The following ADAM29 variants were observed in gnomAD, a reference collection of about 807,000 sequenced individuals.
ADAM29 encodes ADAM metallopeptidase domain 29, also known as disintegrin and metalloproteinase domain-containing protein 29.
For missense variants in ADAM29, 969 were observed against 1,001.8 expected (o/e 0.97, Z 0.44); for synonymous variants, 367 against 342.3 (o/e 1.07, Z -0.80).
intron 4 of ADAM29, among the ~76,000 whole-genome samples, chr4:174,967,615 G>A (rs1372372304): frequency 2.0e-5 from 3 of 152,160 alleles, no homozygotes; most frequent in Admixed American, 2.0e-4. Flanking sequence ...AGCAAGAAAT[G>A]GTATGAAAGG....
chr4:174,960,201 G>A (rs541522565), intron 4 of ADAM29, among the ~76,000 whole-genome samples: 9 of 151,674 alleles, frequency 5.9e-5, no homozygotes, highest in South Asian at 2.1e-4. Flanking sequence ...GTGTTTTCTC[G>A]AATAATATAC....
At position 174,976,802 on chromosome 4, in the gene ADAM29, TGTCA is replaced by T. The variant is rs764324216; in HGVS notation, c.1278_1281del (p.Ser427IlefsTer4). 1 of 1,614,232 alleles carries T rather than the reference TGTCA, an allele frequency of 6.2e-7. No individual in the cohort carries two copies. The highest frequency in any genetic ancestry group is 8.5e-7 in the Non-Finnish European group (1 of 1,180,036). On this transcript the variant is annotated frameshift_variant, in exon 5 of 5. Coordinates refer to ENST00000359240, the MANE Select transcript of ADAM29 (RefSeq NM_014269.4). LOFTEE classifies it low-confidence loss of function (END_TRUNC). ...CATTGTGCAAAAGATCCCTGCTGTC[TGTCA>T]AATTGCACTCTGACTGATGGTTCTA...
chr4:174,974,767 G>A (rs139847231), intron 4 of ADAM29, among the ~76,000 whole-genome samples: 5 of 152,284 alleles, frequency 3.3e-5, no homozygotes, highest in African/African-American at 9.6e-5. Context: ...GGATCTTCCT[G>A]CTGACAAGGC....
intron 2 of ADAM29, among the ~76,000 whole-genome samples, chr4:174,928,284 G>C (rs1743631740): frequency 6.6e-6 from 1 of 152,106 alleles, no homozygotes. Flanking sequence ...GAGGAACAGG[G>C]TCAGGGTGGG....
intron 4 of ADAM29, among the ~76,000 whole-genome samples, chr4:174,966,061 G>C (rs1746141993): frequency 6.6e-6 from 1 of 152,194 alleles, no homozygotes; most frequent in Non-Finnish European, 1.5e-5. Context: ...CATATAACTT[G>C]TGCATGTCCT....
intron 4 of ADAM29, among the ~76,000 whole-genome samples, chr4:174,963,699 C>G (rs1745988467): frequency 6.6e-6 from 1 of 150,390 alleles, no homozygotes; most frequent in Admixed American, 6.6e-5. Context: ...TATTTTTTTT[C>G]TGAGATGGAA....
intron 4 of ADAM29, among the ~76,000 whole-genome samples, chr4:174,957,734 A>C (rs1478402111): frequency 6.6e-6 from 1 of 151,766 alleles, no homozygotes; most frequent in Non-Finnish European, 1.5e-5. Context: ...TATTTTTGGA[A>C]TTTTTCAGTC....
At chr4:174,927,553 G>C (rs370353636) in intron 2 of ADAM29, among the ~76,000 whole-genome samples, 1 of 152,204 alleles carries the variant, frequency 6.6e-6, no homozygotes, top group African/African-American at 2.4e-5. Context: ...ATTTTCTTTG[G>C]AATGATTGCA....
intron 4 of ADAM29, among the ~76,000 whole-genome samples, chr4:174,973,975 C>T (rs1395652950): frequency 1.3e-5 from 2 of 152,210 alleles, no homozygotes; most frequent in East Asian, 1.9e-4. Flanking sequence ...TAGGCCTTCA[C>T]TGATGCCTCT....
At position 174,977,358 on chromosome 4, in the gene ADAM29, C is replaced by T; in HGVS notation, c.1833C>T (p.Ile611=). The change falls in exon 5 of 5, where the codon ATC becomes ATT. Residue 611 remains isoleucine (I), a synonymous_variant. Coordinates refer to ENST00000359240, the MANE Select transcript of ADAM29 (RefSeq NM_014269.4). ...GTECGIDHIC[I]HRHCVHITIL... ...AGTGTGGGATAGATCATATATGCAT[C>T]CACAGGCACTGTGTCCATATAACCA... 6.2e-7 allele frequency: 1 copy of T among 1,613,626 alleles called. No individual in the cohort carries two copies. The highest frequency in any genetic ancestry group is 8.5e-7 in the Non-Finnish European group (1 of 1,180,024).
At chr4:174,929,291 T>C (rs1413939841) in intron 2 of ADAM29, among the ~76,000 whole-genome samples, 1 of 152,172 alleles carries the variant, frequency 6.6e-6, no homozygotes, top group Non-Finnish European at 1.5e-5. Context: ...TAATGTTGAC[T>C]TTCTTTAGAA....
At chr4:174,951,543 T>C (rs1199110792) in intron 4 of ADAM29, among the ~76,000 whole-genome samples, 1 of 152,232 alleles carries the variant, frequency 6.6e-6, no homozygotes, top group Non-Finnish European at 1.5e-5. Flanking sequence ...AGTTGTACAT[T>C]ATTCCTATTT....
chr4:174,963,956 A>T (rs1310639926), intron 4 of ADAM29, among the ~76,000 whole-genome samples: 6 of 152,212 alleles, frequency 3.9e-5, no homozygotes, highest in African/African-American at 1.4e-4. Context: ...GGCATGAGCC[A>T]CTGTGCCTGG....
intron 2 of ADAM29, among the ~76,000 whole-genome samples, chr4:174,928,516 T>C (rs1743652903): frequency 6.8e-6 from 1 of 147,178 alleles, no homozygotes; most frequent in South Asian, 2.2e-4. Flanking sequence ...GGGAACAGTC[T>C]GGTTGGGGTG....
intron 4 of ADAM29, among the ~76,000 whole-genome samples, chr4:174,958,938 GTCA>G (rs1745655677): frequency 6.6e-6 from 1 of 151,362 alleles, no homozygotes; most frequent in South Asian, 2.1e-4. Flanking sequence ...TGATGTTGCT[GTCA>G]TCATTATTTT....
intron 3 of ADAM29, among the ~76,000 whole-genome samples, chr4:174,933,066 C>T (rs1363406961): frequency 2.6e-5 from 4 of 152,090 alleles, no homozygotes; most frequent in South Asian, 4.1e-4. Context: ...AGAAAGCAAA[C>T]GGCTCTGAGG....
chr4:174,923,088 C>T (rs369730087), intron 2 of ADAM29, among the ~76,000 whole-genome samples: 35 of 152,134 alleles, frequency 2.3e-4, no homozygotes, highest in African/African-American at 8.4e-4. Context: ...TGCAGTCTCA[C>T]TCTGTTGCCT....
intron 2 of ADAM29, among the ~76,000 whole-genome samples, chr4:174,928,502 G>C (rs1307673470): frequency 2.0e-5 from 3 of 149,234 alleles, no homozygotes; most frequent in African/African-American, 7.4e-5. Context: ...CATGGGAAGG[G>C]AGGGGGAACA....
At chr4:174,934,440 C>T (rs1744088866) in intron 3 of ADAM29, among the ~76,000 whole-genome samples, 1 of 152,106 alleles carries the variant, frequency 6.6e-6, no homozygotes, top group African/African-American at 2.4e-5. Context: ...TTACCATTTT[C>T]TTTCTTTGTA....
Sources: allele counts gnomAD v4.1 joint callset (sites outside exome capture counted in the v4.1 genomes callset), GRCh38; gene constraint gnomAD v4.1.1; transcripts MANE v1.5; gene names NCBI Gene and HGNC (gene_info 2026-07-23, HGNC 2026-07-21).